The following COL21A1 variants were observed in gnomAD, a reference collection of about 807,000 sequenced individuals.
COL21A1 encodes the protein collagen alpha-1(XXI) chain.
Under a neutral mutation model 137.9 loss-of-function variants are expected in COL21A1, and 149 were observed. The observed-to-expected ratio is 1.08, with a 90% confidence interval of 0.95 to 1.24. The LOEUF is 1.24. Among genes scored for constraint, COL21A1 ranks in the 50% most tolerant of loss-of-function variants. COL21A1 has a pLI of 0.00. For synonymous variants in COL21A1, 456 were observed against 391.5 expected (o/e 1.16, Z -1.95); for missense variants, 1,167 against 1,158.4 (o/e 1.01, Z -0.11).
At chr6:56,324,217 T>C (rs1764944270) in intron 1 of COL21A1, among the ~76,000 whole-genome samples, 1 of 152,092 alleles carries the variant, frequency 6.6e-6, no homozygotes, top group African/African-American at 2.4e-5. Flanking sequence ...CTCCTTTAAC[T>C]CAACCAGCCT....
intron 3 of COL21A1, among the ~76,000 whole-genome samples, chr6:56,177,519 C>T (rs1344972323): frequency 6.6e-6 from 1 of 152,078 alleles, no homozygotes; most frequent in African/African-American, 2.4e-5. Flanking sequence ...GCAGACTGGG[C>T]GCGGTGGCTC....
intron 12 of COL21A1, among the ~76,000 whole-genome samples, chr6:56,129,439 C>G (rs12203179): frequency 0.17 from 26,050 of 152,056 alleles, 2,327 homozygotes; most frequent in Middle Eastern, 0.26. Flanking sequence ...GCCTGAATGA[C>G]TTTGTAGACA....
chr6:56,393,518 ATCT>A (rs2094034119), intron 1 of COL21A1, among the ~76,000 whole-genome samples: 1 of 152,190 alleles, frequency 6.6e-6, no homozygotes, highest in African/African-American at 2.4e-5. Context: ...TAAGCTCAAA[ATCT>A]TCTGCACAGC....
At chr6:56,376,772 T>C (rs2093999995) in intron 1 of COL21A1, among the ~76,000 whole-genome samples, 1 of 150,828 alleles carries the variant, frequency 6.6e-6, no homozygotes, top group African/African-American at 2.4e-5. Context: ...TTACAGAAAA[T>C]AAAAAGGAGG....
chr6:56,285,433 A>G (rs1763882572), intron 1 of COL21A1, among the ~76,000 whole-genome samples: 1 of 152,226 alleles, frequency 6.6e-6, no homozygotes, highest in African/African-American at 2.4e-5. Context: ...ATAAAACACT[A>G]GGAGTAGCAT....
Position 56,307,274 on chromosome 6 carries a change from G to A in COL21A1, c.-39+86697C>T, listed in dbSNP as rs545086548. Among the ~76,000 whole-genome samples, 13 of 152,330 alleles carry A rather than the reference G, an allele frequency of 8.5e-5. No homozygotes were observed. In the East Asian group the frequency reaches 2.5e-3, roughly 29 times the overall value. ...CTGTAAGACAGGGACATTTAAGTCT[G>A]CAGAGGATTCTGCTGCCTTTTGTTT... On this transcript the variant is annotated intron_variant, in intron 1 of 28. Coordinates refer to the COL21A1 transcript ENST00000370819.
chr6:56,137,369 C>G (rs946186299), intron 12 of COL21A1, among the ~76,000 whole-genome samples: 3 of 152,120 alleles, frequency 2.0e-5, no homozygotes, highest in Non-Finnish European at 1.5e-5. Flanking sequence ...TGTACAGATC[C>G]GTGGCTTCTT....
intron 1 of COL21A1, among the ~76,000 whole-genome samples, chr6:56,298,006 C>G (rs1192832764): frequency 6.6e-6 from 1 of 151,902 alleles, no homozygotes; most frequent in Non-Finnish European, 1.5e-5. Flanking sequence ...GAATATCTGG[C>G]TCTAACACTT....
intron 1 of COL21A1, among the ~76,000 whole-genome samples, chr6:56,287,624 C>A (rs1763947386): frequency 6.6e-6 from 1 of 152,062 alleles, no homozygotes; most frequent in Non-Finnish European, 1.5e-5. Flanking sequence ...CCCAGCCATG[C>A]TTCCTGTACA....
rs1015938463 is a variant in COL21A1 at position 56,056,960 on chromosome 6, A to C, written c.*697T>G. The C allele has an allele frequency of 6.6e-6, 1 of 152,214 alleles. No individual in the cohort carries two copies. Among genetic ancestry groups the C allele is most frequent in the Non-Finnish European group, 1.5e-5 (1 of 68,030 alleles). The allele number at this position is 152,214 out of a possible 1,614,324, so 9.4% of individuals were successfully genotyped here. On this transcript the variant is annotated 3_prime_UTR_variant, in exon 30 of 30. Transcript: ENST00000244728. ...AAACTTACATTTTCTTTGAATGTAC[A>C]ATGAAACTTTTTGTCTAAAATGTTT...
Position 56,142,483 on chromosome 6 carries a change from T to C in COL21A1, c.1435-500A>G, listed in dbSNP as rs116737461. 7.6e-3 allele frequency among the ~76,000 whole-genome samples: 1,151 copies of C among 152,290 alleles called. 7 individuals are homozygous for C. The highest frequency in any genetic ancestry group is 0.011 in the Non-Finnish European group (760 of 68,008). On this transcript the variant is annotated intron_variant, in intron 10 of 29. Coordinates refer to ENST00000244728, the MANE Select transcript of COL21A1 (RefSeq NM_030820.4). ...GATGTTAAATGTAAGAAGGTGGTTA[T>C]GACATATCCTCCATGGTCCCCCAAA...
Position 56,098,554 on chromosome 6 carries a change from T to G in COL21A1, c.1812+2918A>C, listed in dbSNP as rs1313835597. 2.3e-4 allele frequency among the ~76,000 whole-genome samples: 6 copies of G among 26,212 alleles called. 2 individuals carry two copies. Among genetic ancestry groups the G allele is most frequent in the African/African-American group, 2.8e-4 (2 of 7,250 alleles). 17.2% of individuals were successfully genotyped at this position (26,212 alleles called of 152,430 possible). A position where few individuals can be genotyped will look rare whatever the true frequency, so the allele number is the denominator to read the frequency against. ...ATATATATATAAATATATAAATATA[T>G]ATAAATATATAAATATATATAAATA... is the stretch of plus-strand genomic sequence containing the variant. On this transcript the variant is annotated intron_variant, in intron 17 of 29. Coordinates refer to ENST00000244728, the MANE Select transcript of COL21A1 (RefSeq NM_030820.4).
At chr6:56,110,586 A>G (rs971537517) in intron 16 of COL21A1, among the ~76,000 whole-genome samples, 2 of 151,932 alleles carry the variant, frequency 1.3e-5, no homozygotes, top group African/African-American at 2.4e-5. Context: ...ATGTAGAAAA[A>G]CCTGAGAAAT....
chr6:56,318,419 C>A (rs1024597177), intron 1 of COL21A1, among the ~76,000 whole-genome samples: 3 of 152,136 alleles, frequency 2.0e-5, no homozygotes, highest in Non-Finnish European at 2.9e-5. Flanking sequence ...CCCCCATTCC[C>A]CTAAATCCCT....
At chr6:56,370,290 C>T (rs16887847) in intron 1 of COL21A1, among the ~76,000 whole-genome samples, 2,397 of 152,222 alleles carry the variant, frequency 0.016, 56 homozygotes, top group African/African-American at 0.053. Flanking sequence ...TGTTCCCGGC[C>T]TTCCTCAGAG....
rs1765644914 is a variant in COL21A1 at position 56,059,873 on chromosome 6, T to C, written c.2608+145A>G. Reference sequence around the variant, plus strand: ...ATTAAGAAAATAATTTCTCTTTAATTCAGTTGGCAAATTATTTAAAGACGA... The same window carrying C: ...ATTAAGAAAATAATTTCTCTTTAATCCAGTTGGCAAATTATTTAAAGACGA... On this transcript the variant is annotated intron_variant, in intron 28 of 29. Coordinates refer to ENST00000244728, the MANE Select transcript of COL21A1 (RefSeq NM_030820.4). 8.6e-5 allele frequency: 49 copies of C among 567,498 alleles called. 1 individual carries two copies. In the South Asian group the frequency reaches 1.3e-3, roughly 15 times the overall value. The allele number at this position is 567,498 out of a possible 1,614,324, so 35.2% of individuals were successfully genotyped here.
At chr6:56,354,451 C>G (rs1287164925) in intron 1 of COL21A1, among the ~76,000 whole-genome samples, 1 of 151,902 alleles carries the variant, frequency 6.6e-6, no homozygotes, top group African/African-American at 2.4e-5. Flanking sequence ...AAAGAGTAGC[C>G]ATTTTAGAAA....
At chr6:56,260,690 AGG>A (rs1763244119) in intron 1 of COL21A1, among the ~76,000 whole-genome samples, 1 of 96,184 alleles carries the variant, frequency 1.0e-5, no homozygotes, top group Non-Finnish European at 2.1e-5. Flanking sequence ...GAAGGAAGGA[AGG>A]CAGGCAGGCA....
intron 17 of COL21A1, among the ~76,000 whole-genome samples, chr6:56,090,069 G>C (rs9396172): frequency 0.55 from 83,489 of 151,876 alleles, 23,270 homozygotes; most frequent in East Asian, 0.79. Flanking sequence ...GTGAAACCCT[G>C]TCTCTACTAA....
Sources: allele counts gnomAD v4.1 joint callset (sites outside exome capture counted in the v4.1 genomes callset), GRCh38; gene constraint gnomAD v4.1.1; transcripts MANE v1.5; gene names NCBI Gene and HGNC (gene_info 2026-07-23, HGNC 2026-07-21).